The following GABRG3 variants were observed in gnomAD, a reference collection of about 807,000 sequenced individuals.
The protein encoded by GABRG3 is gamma-aminobutyric acid type A receptor subunit gamma3, also known as gamma-aminobutyric acid receptor subunit gamma-3.
In GABRG3, 25 loss-of-function variants were observed where a neutral mutation model predicts 48.8. The observed-to-expected ratio is 0.51, with a 90% CI of 0.37 to 0.72. GABRG3 has a LOEUF of 0.72. Among genes scored for constraint, GABRG3 ranks in the 30% least tolerant of loss-of-function variants. The pLI, the probability that GABRG3 is intolerant of heterozygous loss-of-function variation, is 0.00. For synonymous variants in GABRG3, 227 were observed against 217.6 expected (o/e 1.04, Z -0.38); for missense variants, 394 against 577.9 (o/e 0.68, Z 3.26).
rs1436804594 is a variant in GABRG3 at position 27,534,214 on chromosome 15, T to C, written c.*1333T>C. On this transcript the variant is annotated 3_prime_UTR_variant, in exon 10 of 10. Transcript: ENST00000615808. ...ATTAATTTTCAACTCAAACCAACTT[T>C]AGATGCAAAAAAATGGGCAATGGTG... is the stretch of plus-strand genomic sequence containing the variant. 1 of 152,042 alleles carries C rather than the reference T, an allele frequency of 6.6e-6. No individual in the cohort carries two copies. Among genetic ancestry groups the C allele is most frequent in the Middle Eastern group, 3.2e-3 (1 of 312 alleles). 9.4% of individuals were successfully genotyped at this position (152,042 alleles called of 1,614,324 possible). A position where few individuals can be genotyped will look rare whatever the true frequency, so the allele number is the denominator to read the frequency against.
chr15:27,219,747 T>C (rs1462512288), intron 3 of GABRG3, among the ~76,000 whole-genome samples: 2 of 152,172 alleles, frequency 1.3e-5, no homozygotes, highest in African/African-American at 4.8e-5. Flanking sequence ...GGTTACAGAG[T>C]CCAGAAAACT....
At chr15:27,508,048 T>C (rs997091483) in intron 6 of GABRG3, among the ~76,000 whole-genome samples, 1 of 152,238 alleles carries the variant, frequency 6.6e-6, no homozygotes, top group Admixed American at 6.5e-5. Context: ...TAAATATGCC[T>C]TTATACTTAA....
chr15:27,121,497 A>G (rs921385893), intron 3 of GABRG3, among the ~76,000 whole-genome samples: 2 of 152,208 alleles, frequency 1.3e-5, no homozygotes, highest in Non-Finnish European at 2.9e-5. Context: ...ATAACTACAT[A>G]GTGACTCTGG....
At chr15:26,984,284 G>C (rs1341305581) in intron 2 of GABRG3, among the ~76,000 whole-genome samples, 1 of 151,960 alleles carries the variant, frequency 6.6e-6, no homozygotes, top group Non-Finnish European at 1.5e-5. Flanking sequence ...ATGTATGTTG[G>C]CATCTCCCAA....
intron 3 of GABRG3, among the ~76,000 whole-genome samples, chr15:27,281,330 T>C (rs1208456253): frequency 6.6e-6 from 1 of 152,126 alleles, no homozygotes; most frequent in Non-Finnish European, 1.5e-5. Context: ...TTTTATCACT[T>C]GTTTTTTTCT....
intron 3 of GABRG3, among the ~76,000 whole-genome samples, chr15:27,320,710 AATGATG>A (rs1383797039): frequency 6.6e-6 from 1 of 152,160 alleles, no homozygotes; most frequent in African/African-American, 2.4e-5. Context: ...GGCAGGTGAG[AATGATG>A]AAGGAGGGCC....
intron 3 of GABRG3, among the ~76,000 whole-genome samples, chr15:27,083,712 T>C (rs1897028572): frequency 6.6e-6 from 1 of 152,166 alleles, no homozygotes; most frequent in Non-Finnish European, 1.5e-5. Flanking sequence ...TCATGAAGGA[T>C]GTTGAAATCT....
Position 27,523,968 on chromosome 15 carries a change from A to C in GABRG3, c.866-3465A>C, listed in dbSNP as rs139125961. On this transcript the variant is annotated intron_variant, in intron 7 of 9. Transcript: ENST00000615808. ...GAAATAGAATGGGGCTAAAAAAAAT[A>C]TTCAAAGAAACAATGGATAAAAAAT... Among the ~76,000 whole-genome samples the C allele has an allele frequency of 5.8e-3, 875 of 151,386 alleles. 14 individuals carry two copies. The highest frequency in any genetic ancestry group is 0.02 in the African/African-American group (832 of 40,788).
intron 3 of GABRG3, among the ~76,000 whole-genome samples, chr15:27,204,265 T>C (rs2140430632): frequency 6.6e-6 from 1 of 152,284 alleles, no homozygotes; most frequent in East Asian, 1.9e-4. Flanking sequence ...CTTCTGCATG[T>C]GGCTAGCAAG....
chr15:27,016,260 A>G (rs1895778127), intron 2 of GABRG3, among the ~76,000 whole-genome samples: 1 of 141,144 alleles, frequency 7.1e-6, no homozygotes, highest in African/African-American at 2.7e-5. Context: ...TTTTTGAGAG[A>G]AAGTCTCACT....
intron 5 of GABRG3, among the ~76,000 whole-genome samples, chr15:27,467,608 G>C (rs1889654694): frequency 6.6e-6 from 1 of 152,180 alleles, no homozygotes; most frequent in Admixed American, 6.5e-5. Context: ...AACTTTTTGA[G>C]CATTAAAACA....
chr15:27,271,392 G>C (rs1165547917), intron 3 of GABRG3: 3 of 353,904 alleles, frequency 8.5e-6, no homozygotes, highest in South Asian at 2.1e-5. Flanking sequence ...TGCTTTCCAC[G>C]GGTCTTACGC....
At chr15:27,237,469 C>T (rs946210831) in intron 3 of GABRG3, among the ~76,000 whole-genome samples, 7 of 152,288 alleles carry the variant, frequency 4.6e-5, no homozygotes, top group African/African-American at 1.4e-4. Context: ...CTGGACCTCA[C>T]GCCAGCAGCC....
At chr15:27,242,288 C>T (rs1890150373) in intron 3 of GABRG3, among the ~76,000 whole-genome samples, 1 of 152,154 alleles carries the variant, frequency 6.6e-6, no homozygotes, top group Non-Finnish European at 1.5e-5. Flanking sequence ...TAAGAGTTCC[C>T]TTATAAGGAT....
At chr15:27,120,019 C>T (rs1332712906) in intron 3 of GABRG3, among the ~76,000 whole-genome samples, 10 of 152,272 alleles carry the variant, frequency 6.6e-5, no homozygotes, top group Admixed American at 2.6e-4. Context: ...GGGGATTAAC[C>T]GAATGTGTGA....
intron 5 of GABRG3, among the ~76,000 whole-genome samples, chr15:27,424,949 C>T (rs1002343501): frequency 1.3e-5 from 2 of 152,110 alleles, no homozygotes; most frequent in Admixed American, 6.5e-5. Flanking sequence ...TAGGGCCATG[C>T]GATATCAGCT....
intron 3 of GABRG3, among the ~76,000 whole-genome samples, chr15:27,315,332 T>C (rs967419905): frequency 1.3e-5 from 2 of 152,200 alleles, no homozygotes; most frequent in East Asian, 3.9e-4. Flanking sequence ...AATAATGTAA[T>C]GCCTTTAGCA....
At chr15:27,044,823 G>GTTTAAA (rs1896335362) in intron 3 of GABRG3, among the ~76,000 whole-genome samples, 1 of 152,192 alleles carries the variant, frequency 6.6e-6, no homozygotes, top group Non-Finnish European at 1.5e-5. Flanking sequence ...CCAGTTGGCC[G>GTTTAAA]CCTGTGACTG....
chr15:27,393,344 CAAAAAA>C lies in GABRG3; in HGVS notation c.574+64469_574+64474del, dbSNP rs34689012. On this transcript the variant is annotated intron_variant, in intron 5 of 9. Coordinates refer to ENST00000615808, the MANE Select transcript of GABRG3 (RefSeq NM_033223.5). ...GGGTGACAGAGCGAGACTCCGTCTC[CAAAAAA>C]AAAAAAAAAAAAGAAAAGAAAAGAA... is the stretch of plus-strand genomic sequence containing the variant. Among the ~76,000 whole-genome samples the C allele has an allele frequency of 8.2e-4, 93 of 112,994 alleles. 1 individual carries two copies. Among genetic ancestry groups the C allele is most frequent in the Middle Eastern group, 4.9e-3 (1 of 206 alleles). The allele number at this position is 112,994 out of a possible 152,430, so 74.1% of individuals were successfully genotyped here.
Sources: gnomAD v4.1 joint callset for allele counts (sites outside exome capture counted in the v4.1 genomes callset) on GRCh38, gnomAD v4.1.1 for gene constraint, MANE v1.5 for transcripts, NCBI Gene and HGNC (gene_info 2026-07-23, HGNC 2026-07-21) for gene names.